RSPH6A: variants seen among roughly 807,000 people sequenced by gnomAD.
RSPH6A encodes the protein radial spoke head 6 homolog A, also known as radial spoke head protein 6 homolog A.
RSPH6A carries 49 observed loss-of-function variants against 66.1 expected under a neutral mutation model. The ratio of observed to expected loss-of-function variants is 0.74; its 90% CI spans 0.59 to 0.94. RSPH6A has a LOEUF of 0.94. RSPH6A is among the 40% of genes least tolerant of loss of function. RSPH6A has a pLI of 0.00. For synonymous variants in RSPH6A, 419 were observed against 402.4 expected (o/e 1.04, Z -0.49); for missense variants, 977 against 948.3 (o/e 1.03, Z -0.40).
At chr19:45,797,062 G>A (rs931843905) in intron 5 of RSPH6A, among the ~76,000 whole-genome samples, 24 of 148,044 alleles carry the variant, frequency 1.6e-4, no homozygotes, top group Non-Finnish European at 3.0e-4. Flanking sequence ...GAGTGAGAAC[G>A]TATCTCAAAA....
intron 4 of RSPH6A, among the ~76,000 whole-genome samples, 189 bp from the exon 5 acceptor site, chr19:45,800,752 ACACACACACACACACACACACACT>A (rs2146282107): frequency 7.4e-6 from 1 of 134,336 alleles, no homozygotes. Context: ...ACACACACAC[ACACACACACACACACACACACACT>A]CTCTCTCTCT....
At chr19:45,801,482 T>G (rs914123916) in intron 4 of RSPH6A, among the ~76,000 whole-genome samples, 1 of 152,080 alleles carries the variant, frequency 6.6e-6, no homozygotes, top group Non-Finnish European at 1.5e-5. Flanking sequence ...AGCTCCAGGT[T>G]GGGCACAGTG....
Position 45,804,925 on chromosome 19 carries a change from A to C in RSPH6A, c.980T>G (p.Phe327Cys), listed in dbSNP as rs771227158. The change falls in exon 3 of 6, where the codon TTC (phenylalanine) becomes TGC (cysteine). Residue 327 changes from phenylalanine (F) to cysteine (C), a missense_variant. Phe to Cys is a radical substitution (Grantham distance 205). Transcript: ENST00000221538. The surrounding 1 kb of genome is among the most constrained non-coding windows in gnomAD (Gnocchi z 5.8). ...GLSSDESFRI[F>C]LAMKQLVEQQ... ...CTCCACCAGCTGTTTCATGGCCAGG[A>C]AAATGCGGAAGCTCTCGTCCGAGCT... is the stretch of plus-strand genomic sequence containing the variant. 2 of 1,614,082 alleles carry C rather than the reference A, an allele frequency of 1.2e-6. No homozygotes were observed. Among genetic ancestry groups the C allele is most frequent in the Non-Finnish European group, 1.7e-6 (2 of 1,180,054 alleles).
At chr19:45,814,290 A>G (rs2146291639) in intron 1 of RSPH6A, among the ~76,000 whole-genome samples, 1 of 152,292 alleles carries the variant, frequency 6.6e-6, no homozygotes, top group Middle Eastern at 3.4e-3. Flanking sequence ...TCCTCTGTAA[A>G]GTAGGATGAG....
At chr19:45,800,760 ACACACACACACACACT>A (rs1403063465) in intron 4 of RSPH6A, among the ~76,000 whole-genome samples, 197 bp from the exon 5 acceptor site, 5 of 117,600 alleles carry the variant, frequency 4.3e-5, no homozygotes, top group South Asian at 2.7e-4. Context: ...ACACACACAC[ACACACACACACACACT>A]CTCTCTCTCT....
chr19:45,808,455 T>C (rs1230079476), intron 2 of RSPH6A, among the ~76,000 whole-genome samples: 1 of 144,142 alleles, frequency 6.9e-6, no homozygotes, highest in African/African-American at 2.6e-5. Context: ...TAGCCAGGCA[T>C]GGTGGCGGGC....
chr19:45,815,263 T>C lies in RSPH6A; in HGVS notation c.-87A>G, dbSNP rs1970694000. On this transcript the variant is annotated 5_prime_UTR_variant, in exon 1 of 6. Transcript: ENST00000221538. Reference sequence around the variant, plus strand: ...GCCACCTGTCGACACCGCCGGTTTCTGAGCACCGAGAGAGGGGGCCGTTAC... The same window carrying C: ...GCCACCTGTCGACACCGCCGGTTTCCGAGCACCGAGAGAGGGGGCCGTTAC... 4 of 1,378,968 alleles carry C rather than the reference T, an allele frequency of 2.9e-6. No homozygotes were observed. The African/African-American group carries it at 4.4e-5, about 15-fold the overall frequency. 85.4% of individuals were successfully genotyped at this position (1,378,968 alleles called of 1,614,324 possible).
intron 1 of RSPH6A, among the ~76,000 whole-genome samples, chr19:45,813,934 G>T (rs774976316): frequency 6.6e-6 from 1 of 152,104 alleles, no homozygotes; most frequent in Non-Finnish European, 1.5e-5. Flanking sequence ...GCTGAGATGG[G>T]CGGATCACTT....
At chr19:45,800,126 G>A (rs1426633869) in intron 5 of RSPH6A, among the ~76,000 whole-genome samples, 1 of 152,210 alleles carries the variant, frequency 6.6e-6, no homozygotes, top group Non-Finnish European at 1.5e-5. Flanking sequence ...CTCCTCCAGA[G>A]AGGGATTCTG....
At position 45,804,077 on chromosome 19, in the gene RSPH6A, A is replaced by G. The variant is rs1386307477; in HGVS notation, c.1653+175T>C. Among the ~76,000 whole-genome samples, 1 of 152,182 alleles carries G rather than the reference A, an allele frequency of 6.6e-6. No homozygotes were observed. Among genetic ancestry groups the G allele is most frequent in the Non-Finnish European group, 1.5e-5 (1 of 68,016 alleles). ...AGAAAAAAAAATGCCTCTGTCCCCA[A>G]AGGTTTCTGATGGGATTATCCGCTA... On this transcript the variant is annotated intron_variant, in intron 3 of 5. Coordinates refer to ENST00000221538, the MANE Select transcript of RSPH6A (RefSeq NM_030785.4). This position sits in a 1 kb window ranked among gnomAD's most constrained non-coding sequence, Gnocchi z 5.8.
Position 45,797,051 on chromosome 19 carries a change from A to C in RSPH6A, c.1917-945T>G. On this transcript the variant is annotated intron_variant, in intron 5 of 5. Coordinates refer to ENST00000221538, the MANE Select transcript of RSPH6A (RefSeq NM_030785.4). ...GCCACTGCACTCCAGCCTGAGTGACAGAGTGAGAACGTATCTCAAAATAAA... is the reference window on the plus strand; with the variant it reads ...GCCACTGCACTCCAGCCTGAGTGACCGAGTGAGAACGTATCTCAAAATAAA... Among the ~76,000 whole-genome samples, 2 of 152,154 alleles carry C rather than the reference A, an allele frequency of 1.3e-5. 1 individual carries two copies. The highest frequency in any genetic ancestry group is 2.9e-5 in the Non-Finnish European group (2 of 68,034).
chr19:45,813,075 G>A (rs930075337), intron 1 of RSPH6A, among the ~76,000 whole-genome samples: 2 of 152,068 alleles, frequency 1.3e-5, no homozygotes, highest in African/African-American at 2.4e-5. Context: ...AGCAGGTTCT[G>A]AGCATTGGAG....
intron 1 of RSPH6A, among the ~76,000 whole-genome samples, chr19:45,813,273 C>G (rs1970651612): frequency 6.6e-6 from 1 of 152,116 alleles, no homozygotes; most frequent in Admixed American, 6.6e-5. Flanking sequence ...CGGTCATCTG[C>G]AAGATGCTCT....
intron 5 of RSPH6A, among the ~76,000 whole-genome samples, chr19:45,799,717 G>A (rs188955207): frequency 3.3e-5 from 5 of 152,042 alleles, no homozygotes; most frequent in Admixed American, 3.3e-4. Flanking sequence ...GTGGTGGGAG[G>A]GAAGGTTTCT....
At chr19:45,809,087 C>T (rs9797817) in intron 2 of RSPH6A, among the ~76,000 whole-genome samples, 48,131 of 147,498 alleles carry the variant, frequency 0.33, 8,362 homozygotes, top group East Asian at 0.53. Context: ...CTGCAAGCTC[C>T]GCCCACCAGG....
intron 5 of RSPH6A, among the ~76,000 whole-genome samples, chr19:45,799,411 G>T (rs777808302): frequency 6.6e-6 from 1 of 152,188 alleles, no homozygotes; most frequent in Non-Finnish European, 1.5e-5. Context: ...GCCCAGACTG[G>T]AGTGCAGTGG....
At chr19:45,803,680 A>G (rs1487679036) in intron 3 of RSPH6A, among the ~76,000 whole-genome samples, 1 of 117,864 alleles carries the variant, frequency 8.5e-6, no homozygotes, top group African/African-American at 4.0e-5. Flanking sequence ...TCTGTCTCAA[A>G]AAGAAAAGAA....
At chr19:45,801,213 G>A (rs1331686540) in intron 4 of RSPH6A, among the ~76,000 whole-genome samples, 2 of 152,232 alleles carry the variant, frequency 1.3e-5, no homozygotes, top group Non-Finnish European at 2.9e-5. Context: ...TGGCAGTGAA[G>A]CCTGGTGACA....
chr19:45,798,198 A>C (rs35226705), intron 5 of RSPH6A, among the ~76,000 whole-genome samples: 61,951 of 151,428 alleles, frequency 0.41, 12,925 homozygotes, highest in Non-Finnish European at 0.46. Flanking sequence ...ATCTCTACTA[A>C]AAATACAAAA....
Sources: allele counts gnomAD v4.1 joint callset (sites outside exome capture counted in the v4.1 genomes callset), GRCh38; gene constraint gnomAD v4.1.1; non-coding constraint Gnocchi (gnomAD v3.1); transcripts MANE v1.5; gene names NCBI Gene and HGNC (gene_info 2026-07-23, HGNC 2026-07-21).